The following ZSWIM5 variants were observed in gnomAD, a reference collection of about 807,000 sequenced individuals.
The protein encoded by ZSWIM5 is zinc finger SWIM-type containing 5.
In ZSWIM5, 55 loss-of-function variants were observed where a neutral mutation model predicts 119.6. The ratio of observed to expected loss-of-function variants is 0.46; its 90% CI spans 0.37 to 0.58. The LOEUF (loss-of-function observed/expected upper bound fraction) is 0.58, where lower values mean the gene tolerates loss of function less well. ZSWIM5 is among the 20% of genes least tolerant of loss of function. The pLI is 0.00. For missense variants in ZSWIM5, 1,193 were observed against 1,512.8 expected (o/e 0.79, Z 3.51); for synonymous variants, 537 against 606.9 (o/e 0.88, Z 1.69).
chr1:45,204,908 T>C (rs1005486074), intron 1 of ZSWIM5, among the ~76,000 whole-genome samples: 47 of 152,298 alleles, frequency 3.1e-4, no homozygotes, highest in East Asian at 5.8e-4. Context: ...TCAGAAGCAC[T>C]GTATTTATAT....
chr1:45,034,402 CCA>C lies in ZSWIM5; in HGVS notation c.2357_2358del (p.Val786GlyfsTer20), dbSNP rs1644970654. The C allele has an allele frequency of 6.2e-7, 1 of 1,613,804 alleles. No individual in the cohort carries two copies. Among genetic ancestry groups the C allele is most frequent in the Non-Finnish European group, 8.5e-7 (1 of 1,179,918 alleles). ...DTSHPHHMVSVVPSRYPRWFT... is the reference protein window; with the variant it reads ...DTSHPHHMVSXVPSRYPRWFT... ...AACCAGCGAGGATAACGGCTGGGCA[CCA>C]CAGACACCATATGGTGAGGGTGGGA... On this transcript the variant is annotated frameshift_variant, in exon 11 of 14. Coordinates refer to ENST00000359600, the MANE Select transcript of ZSWIM5 (RefSeq NM_020883.2). LOFTEE classifies it high-confidence loss of function.
chr1:45,191,223 G>C (rs1646091249), intron 1 of ZSWIM5, among the ~76,000 whole-genome samples: 1 of 151,990 alleles, frequency 6.6e-6, no homozygotes, highest in Non-Finnish European at 1.5e-5. Flanking sequence ...GTGAGCCACC[G>C]CGCCCGGCCG....
chr1:45,119,307 C>T lies in ZSWIM5; in HGVS notation c.596-31070G>A, dbSNP rs1645577379. On this transcript the variant is annotated intron_variant, in intron 1 of 13. Coordinates refer to ENST00000359600, the MANE Select transcript of ZSWIM5 (RefSeq NM_020883.2). ...TTGTTCTTATTCCAGACCTTCCTCACACTGCAGTAAAAGGTCATTGTATCA... is the reference window on the plus strand; with the variant it reads ...TTGTTCTTATTCCAGACCTTCCTCATACTGCAGTAAAAGGTCATTGTATCA... Among the ~76,000 whole-genome samples the T allele has an allele frequency of 2.0e-5, 3 of 152,182 alleles. No individual in the cohort carries two copies. The South Asian group carries it at 6.2e-4, about 32-fold the overall frequency.
Position 45,058,697 on chromosome 1 carries a change from C to G in ZSWIM5, c.1164G>C (p.Glu388Asp). The G allele has an allele frequency of 6.2e-7, 1 of 1,614,204 alleles. No homozygotes were observed. The highest frequency in any genetic ancestry group is 8.5e-7 in the Non-Finnish European group (1 of 1,180,040). Residue 388 changes from glutamate (E) to aspartate (D), a missense_variant, in exon 4 of 14, where the codon GAG (glutamate) becomes GAC (aspartate). Coordinates refer to ENST00000359600, the MANE Select transcript of ZSWIM5 (RefSeq NM_020883.2). ...TGAGTCGTGGGTCAGCCACAAACTG[C>G]TCAGTTATTAGTGTCAGCATCCTTG... ...NGARMLTLITEQFVADPRLTL... is the reference protein window; with the variant it reads ...NGARMLTLITDQFVADPRLTL...
At chr1:45,125,612 A>G (rs903121302) in intron 1 of ZSWIM5, among the ~76,000 whole-genome samples, 2 of 152,060 alleles carry the variant, frequency 1.3e-5, no homozygotes, top group African/African-American at 4.8e-5. Context: ...TGTCTCTACT[A>G]AAAATACAAA....
intron 1 of ZSWIM5, among the ~76,000 whole-genome samples, chr1:45,144,194 G>C (rs1645747362): frequency 6.6e-6 from 1 of 152,118 alleles, no homozygotes; most frequent in East Asian, 1.9e-4. Flanking sequence ...AATTCTGAAA[G>C]GGAAGAATAA....
intron 1 of ZSWIM5, among the ~76,000 whole-genome samples, chr1:45,191,678 A>G (rs1646094016): frequency 6.6e-6 from 1 of 152,206 alleles, no homozygotes; most frequent in African/African-American, 2.4e-5. Context: ...AGAGAGGTTA[A>G]GTAACTTGTC....
At chr1:45,129,085 T>C (rs1001036772) in intron 1 of ZSWIM5, among the ~76,000 whole-genome samples, 1 of 152,036 alleles carries the variant, frequency 6.6e-6, no homozygotes, top group African/African-American at 2.4e-5. Context: ...ATGAAACATC[T>C]TTCCCCTTAT....
At chr1:45,037,082 T>A (rs1315514777) in intron 8 of ZSWIM5, among the ~76,000 whole-genome samples, 5 of 144,510 alleles carry the variant, frequency 3.5e-5, no homozygotes, top group Non-Finnish European at 7.5e-5. Flanking sequence ...ATTATAGGCA[T>A]AAGCCACCAT....
intron 1 of ZSWIM5, among the ~76,000 whole-genome samples, chr1:45,162,005 T>C (rs1182130911): frequency 3.3e-5 from 5 of 152,242 alleles, no homozygotes; most frequent in Non-Finnish European, 1.5e-5. Context: ...GCTCTCGCTT[T>C]TTCTATTACA....
intron 1 of ZSWIM5, among the ~76,000 whole-genome samples, chr1:45,126,022 T>G (rs1012974493): frequency 6.6e-6 from 1 of 151,908 alleles, no homozygotes; most frequent in African/African-American, 2.4e-5. Context: ...GAGCCTTGAT[T>G]GCACCGCTGC....
intron 1 of ZSWIM5, among the ~76,000 whole-genome samples, chr1:45,182,352 G>A (rs572669919): frequency 1.7e-4 from 25 of 150,780 alleles, no homozygotes; most frequent in Admixed American, 1.2e-3. Context: ...TGCAGTGAGC[G>A]GAGATCGCGC....
chr1:45,154,786 G>C (rs1438314307), intron 1 of ZSWIM5, among the ~76,000 whole-genome samples: 1 of 152,136 alleles, frequency 6.6e-6, no homozygotes, highest in East Asian at 1.9e-4. Context: ...GGAGGCTGAG[G>C]CAGGAGAATC....
At chr1:45,055,357 C>T (rs1645115958) in intron 4 of ZSWIM5, among the ~76,000 whole-genome samples, 1 of 152,086 alleles carries the variant, frequency 6.6e-6, no homozygotes, top group African/African-American at 2.4e-5. Flanking sequence ...AACCCCTGAC[C>T]TCAGGTGATC....
intron 1 of ZSWIM5, among the ~76,000 whole-genome samples, chr1:45,138,800 C>G (rs1570140687): frequency 1.3e-5 from 2 of 152,142 alleles, no homozygotes; most frequent in African/African-American, 2.4e-5. Flanking sequence ...AGCTCCTATC[C>G]TCACTAACAT....
At chr1:45,175,701 C>T (rs1306560842) in intron 1 of ZSWIM5, among the ~76,000 whole-genome samples, 1 of 151,800 alleles carries the variant, frequency 6.6e-6, no homozygotes, top group African/African-American at 2.4e-5. Context: ...ATCTTCCCTC[C>T]TCAGCCTCCC....
intron 1 of ZSWIM5, among the ~76,000 whole-genome samples, chr1:45,146,550 G>A (rs1616590): frequency 4.9e-5 from 7 of 143,482 alleles, no homozygotes; most frequent in African/African-American, 1.3e-4. Flanking sequence ...AGCAATTCTC[G>A]TGCCTCAGCC....
chr1:45,195,692 G>C (rs1290456302), intron 1 of ZSWIM5, among the ~76,000 whole-genome samples: 1 of 152,018 alleles, frequency 6.6e-6, no homozygotes, highest in Admixed American at 6.5e-5. Context: ...GACATTCTTT[G>C]AGTAGTTAAG....
intron 1 of ZSWIM5, among the ~76,000 whole-genome samples, chr1:45,102,852 ATTATTTAT>A (rs909825177): frequency 6.6e-6 from 1 of 151,970 alleles, no homozygotes; most frequent in South Asian, 2.1e-4. Context: ...AGATTTTTAA[ATTATTTAT>A]TTATTTATTT....
Sources: allele counts gnomAD v4.1 joint callset (sites outside exome capture counted in the v4.1 genomes callset), GRCh38; gene constraint gnomAD v4.1.1; transcripts MANE v1.5; gene names NCBI Gene and HGNC (gene_info 2026-07-23, HGNC 2026-07-21).